The following EIPR1 variants were observed in gnomAD, a reference collection of about 807,000 sequenced individuals.
EIPR1 encodes the protein EARP and GARP complex-interacting protein 1.
EIPR1 carries 25 observed loss-of-function variants against 48.1 expected under a neutral mutation model. That is an observed-to-expected ratio of 0.52 (90% confidence interval 0.38 to 0.73). EIPR1 has a LOEUF of 0.73. Ranked by LOEUF, EIPR1 falls within the 30% of genes least tolerant of loss-of-function variation. EIPR1 has a pLI of 0.00. For missense variants in EIPR1, 415 were observed against 506.2 expected, an observed-to-expected ratio of 0.82 and a Z score of 1.73; for synonymous variants, 204 against 201.9, an observed-to-expected ratio of 1.01 and a Z score of -0.09.
intron 4 of EIPR1, among the ~76,000 whole-genome samples, chr2:3,246,821 G>C (rs192212250): frequency 0.033 from 1,103 of 33,508 alleles, 32 homozygotes; most frequent in African/African-American, 0.054. Flanking sequence ...GGGAGGGAGG[G>C]AGGAAGGGAG....
intron 3 of EIPR1, among the ~76,000 whole-genome samples, chr2:3,335,436 T>C (rs2103347204): frequency 6.6e-6 from 1 of 151,586 alleles, no homozygotes; most frequent in Non-Finnish European, 1.5e-5. Flanking sequence ...AGGCAGCTCC[T>C]GTTGTGCTGA....
intron 4 of EIPR1, among the ~76,000 whole-genome samples, chr2:3,214,784 G>A (rs1373036796): frequency 6.6e-6 from 1 of 152,214 alleles, no homozygotes; most frequent in East Asian, 1.9e-4. Flanking sequence ...CAATTTCTAC[G>A]AATGCATAGT....
intron 6 of EIPR1, among the ~76,000 whole-genome samples, chr2:3,194,696 A>AGC (rs1553277868): frequency 6.0e-5 from 9 of 150,562 alleles, no homozygotes; most frequent in Non-Finnish European, 1.2e-4. Flanking sequence ...AGAGAGAGAA[A>AGC]GGGGGGGGCA....
rs754062227 is a variant in EIPR1, at chr2:3,214,164, G to A, written c.501C>T (p.Ser167=). 2 of 1,613,580 alleles carry A rather than the reference G, an allele frequency of 1.2e-6. No individual in the cohort carries two copies. Among genetic ancestry groups the A allele is most frequent in the South Asian group, 2.2e-5 (2 of 90,974 alleles). ...TTTTACTTACCACAGCCTGGCTCGA[G>A]CTTTCCTGTAAATCCCACAGCAGGA... ...NHILLWDLQE[S]SSQAVLASSA... is the part of the protein sequence containing the mutation. The change falls in exon 5 of 9, where the codon AGC becomes AGT. Residue 167 remains serine (S), a synonymous_variant. Coordinates refer to ENST00000382125, the MANE Select transcript of EIPR1 (RefSeq NM_003310.5).
At chr2:3,284,876 G>T (rs1366760294) in intron 3 of EIPR1, among the ~76,000 whole-genome samples, 1 of 152,130 alleles carries the variant, frequency 6.6e-6, no homozygotes, top group Non-Finnish European at 1.5e-5. Context: ...CAGAGGCCCC[G>T]GGGTAGATCG....
intron 4 of EIPR1, among the ~76,000 whole-genome samples, chr2:3,247,845 A>C (rs1040471786): frequency 2.6e-5 from 4 of 152,232 alleles, no homozygotes; most frequent in Non-Finnish European, 5.9e-5. Flanking sequence ...TTTGTTATCA[A>C]TTATAAGGGT....
chr2:3,373,960 G>A (rs1332865333), intron 1 of EIPR1, among the ~76,000 whole-genome samples: 11 of 147,030 alleles, frequency 7.5e-5, no homozygotes, highest in South Asian at 2.2e-4. Flanking sequence ...GAGGCATCAC[G>A]CTACCTGACT....
chr2:3,317,440 G>A (rs1191975359), intron 3 of EIPR1, among the ~76,000 whole-genome samples: 8 of 151,830 alleles, frequency 5.3e-5, no homozygotes, highest in African/African-American at 1.7e-4. Context: ...CCCTGGGAGC[G>A]CATGAGGCAC....
intron 8 of EIPR1, among the ~76,000 whole-genome samples, chr2:3,191,959 G>A (rs1054245323): frequency 6.6e-6 from 1 of 152,162 alleles, no homozygotes; most frequent in South Asian, 2.1e-4. Flanking sequence ...TGGAGTCTCC[G>A]CCCTGCTACC....
intron 3 of EIPR1, among the ~76,000 whole-genome samples, chr2:3,296,029 T>A (rs529550267): frequency 1.4e-5 from 1 of 69,612 alleles, no homozygotes; most frequent in Non-Finnish European, 2.6e-5. Flanking sequence ...ATCCAGCCCA[T>A]CCTCTCTACT....
intron 4 of EIPR1, among the ~76,000 whole-genome samples, chr2:3,231,560 T>G (rs1666245476): frequency 6.6e-6 from 1 of 152,230 alleles, no homozygotes; most frequent in Non-Finnish European, 1.5e-5. Context: ...AGATGTTGAA[T>G]TTTGTCAAAT....
intron 3 of EIPR1, among the ~76,000 whole-genome samples, chr2:3,328,631 G>GAATCA (rs1669777562): frequency 6.8e-6 from 1 of 147,362 alleles, no homozygotes; most frequent in African/African-American, 2.5e-5. Context: ...GGGCTCCCCT[G>GAATCA]GATCAGAGCC....
intron 4 of EIPR1, among the ~76,000 whole-genome samples, chr2:3,215,383 C>CA (rs1445829823): frequency 6.6e-6 from 1 of 152,182 alleles, no homozygotes; most frequent in African/African-American, 2.4e-5. Context: ...TGCCACCGGC[C>CA]ACACCAGGCT....
At chr2:3,251,525 A>G (rs991210612) in intron 4 of EIPR1, among the ~76,000 whole-genome samples, 1 of 152,186 alleles carries the variant, frequency 6.6e-6, no homozygotes, top group African/African-American at 2.4e-5. Context: ...TGACTTGCCC[A>G]AAGTTGGAAC....
rs561427416 is a variant in EIPR1 at position 3,326,072 on chromosome 2, G to GC, written c.259+11944dup. On this transcript the variant is annotated intron_variant, in intron 3 of 8. Coordinates refer to ENST00000382125, the MANE Select transcript of EIPR1 (RefSeq NM_003310.5). ...CAGAGGAGGCTATGGCTGCAGCACTGCCCCCCTCTCCTGGGGGTAAGGGGT... is the reference window on the plus strand; with the variant it reads ...CAGAGGAGGCTATGGCTGCAGCACTGCCCCCCCTCTCCTGGGGGTAAGGGGT... Among the ~76,000 whole-genome samples the GC allele has an allele frequency of 7.2e-3, 1,103 of 152,324 alleles. 13 individuals carry two copies. The highest frequency in any genetic ancestry group is 0.026 in the African/African-American group (1,062 of 41,572).
At position 3,286,753 on chromosome 2, in the gene EIPR1, C is replaced by T. The variant is rs377297646; in HGVS notation, c.260-29298G>A. Among the ~76,000 whole-genome samples the T allele has an allele frequency of 6.6e-6, 1 of 152,336 alleles. No homozygotes were observed. The highest frequency in any genetic ancestry group is 1.9e-4 in the East Asian group (1 of 5,180). ...GCTGAGTCCATCCTCCCAGCAGCTC[C>T]AAGAGGCGGAGCTATCAATTTCACA... On this transcript the variant is annotated intron_variant, in intron 3 of 8. Coordinates refer to ENST00000382125, the MANE Select transcript of EIPR1 (RefSeq NM_003310.5). This position sits in a 1 kb window ranked among gnomAD's most constrained non-coding sequence, Gnocchi z 4.2.
chr2:3,212,257 C>T (rs1162003319), intron 5 of EIPR1, among the ~76,000 whole-genome samples: 1 of 152,190 alleles, frequency 6.6e-6, no homozygotes, highest in African/African-American at 2.4e-5. Context: ...TTTGAGATGA[C>T]CGAGGCTCTG....
At chr2:3,354,464 T>C in intron 2 of EIPR1, 86 bp downstream of exon 2, 2 of 1,244,404 alleles carry the variant, frequency 1.6e-6, no homozygotes. Context: ...ATTTCTCAAA[T>C]GTTGCTGGAA....
At chr2:3,219,078 A>T (rs1284372625) in intron 4 of EIPR1, among the ~76,000 whole-genome samples, 1 of 119,872 alleles carries the variant, frequency 8.3e-6, no homozygotes. Flanking sequence ...GCCCTGGTAT[A>T]CTCTAGAGCA....
Sources: allele counts gnomAD v4.1 joint callset (sites outside exome capture counted in the v4.1 genomes callset), GRCh38; gene constraint gnomAD v4.1.1; non-coding constraint Gnocchi (gnomAD v3.1); transcripts MANE v1.5; gene names NCBI Gene and HGNC (gene_info 2026-07-23, HGNC 2026-07-21).